The following SYNDIG1 variants were observed in gnomAD, a reference collection of about 807,000 sequenced individuals.
SYNDIG1 encodes the protein synapse differentiation-inducing gene protein 1.
A neutral mutation model predicts 19.4 loss-of-function variants in SYNDIG1; 9 were observed. That is an observed-to-expected ratio of 0.46 (90% confidence interval 0.28 to 0.81). The LOEUF (loss-of-function observed/expected upper bound fraction) is 0.81, where lower values mean the gene tolerates loss of function less well. Ranked by LOEUF, SYNDIG1 falls within the 30% of genes least tolerant of loss-of-function variation. SYNDIG1 has a pLI of 0.12. For missense variants in SYNDIG1, 311 were observed against 343.3 expected (o/e 0.91, Z 0.74); for synonymous variants, 141 against 145.9 (o/e 0.97, Z 0.24).
chr20:24,547,154 C>G (rs1402967582), intron 2 of SYNDIG1, among the ~76,000 whole-genome samples: 1 of 152,134 alleles, frequency 6.6e-6, no homozygotes, highest in Non-Finnish European at 1.5e-5. Context: ...TGGTTCAGAG[C>G]AGGGCCCCTC....
chr20:24,526,991 A>G (rs2057137467), intron 1 of SYNDIG1, among the ~76,000 whole-genome samples: 1 of 152,086 alleles, frequency 6.6e-6, no homozygotes, highest in South Asian at 2.1e-4. Context: ...CAGCAGTTTC[A>G]TGTAATGTGT....
rs192155313 is a variant in SYNDIG1 at position 24,550,175 on chromosome 20, G to T, written c.480+6598G>T. 3.2e-3 allele frequency among the ~76,000 whole-genome samples: 493 copies of T among 152,244 alleles called. 1 individual carries two copies. The highest frequency in any genetic ancestry group is 0.011 in the African/African-American group (472 of 41,540). On this transcript the variant is annotated intron_variant, in intron 2 of 3. Coordinates refer to ENST00000376862, the MANE Select transcript of SYNDIG1 (RefSeq NM_024893.3). ...GCCCTCTTCTACCCAGTATTTCCCT[G>T]ATTCCTGTCCTATCAGTGTACAACT... is the stretch of plus-strand genomic sequence containing the variant.
intron 1 of SYNDIG1, among the ~76,000 whole-genome samples, chr20:24,517,930 C>T (rs1206998893): frequency 6.6e-6 from 1 of 151,228 alleles, no homozygotes; most frequent in Admixed American, 6.6e-5. Context: ...CTCAGTCTCC[C>T]AAGTAGCTGG....
chr20:24,477,697 CT>C (rs888449543), intron 1 of SYNDIG1, among the ~76,000 whole-genome samples: 33 of 152,228 alleles, frequency 2.2e-4, no homozygotes, highest in African/African-American at 7.5e-4. Context: ...CCCACTGCCC[CT>C]GGCTCCAGTG....
chr20:24,493,958 A>C (rs2056227474), intron 1 of SYNDIG1, among the ~76,000 whole-genome samples: 1 of 152,084 alleles, frequency 6.6e-6, no homozygotes, highest in Admixed American at 6.6e-5. Context: ...AGAGGAGGAG[A>C]CCCAGCCCTG....
chr20:24,608,696 CA>C (rs1366399097), intron 3 of SYNDIG1, among the ~76,000 whole-genome samples: 1 of 152,176 alleles, frequency 6.6e-6, no homozygotes, highest in East Asian at 1.9e-4. Flanking sequence ...TGTTGGTAAG[CA>C]AAAGCTTTCA....
chr20:24,563,926 G>A (rs1568645120), intron 2 of SYNDIG1, among the ~76,000 whole-genome samples: 2 of 152,188 alleles, frequency 1.3e-5, no homozygotes, highest in South Asian at 2.1e-4. Flanking sequence ...TTAGTTGGTT[G>A]GGGGGACAGA....
chr20:24,642,736 G>A (rs144199011), intron 3 of SYNDIG1, among the ~76,000 whole-genome samples: 122 of 151,856 alleles, frequency 8.0e-4, no homozygotes, highest in African/African-American at 2.4e-3. Context: ...TTTTTGCACC[G>A]CAAGATGCTG....
chr20:24,482,886 A>G (rs1053700086), intron 1 of SYNDIG1, among the ~76,000 whole-genome samples: 4 of 152,188 alleles, frequency 2.6e-5, no homozygotes, highest in Non-Finnish European at 5.9e-5. Context: ...TTATTCAGAT[A>G]ATTCTTGAAA....
At chr20:24,536,725 G>T (rs1239766122) in intron 1 of SYNDIG1, among the ~76,000 whole-genome samples, 1 of 152,076 alleles carries the variant, frequency 6.6e-6, no homozygotes, top group South Asian at 2.1e-4. Flanking sequence ...ATGGTCTCAG[G>T]CCCCCCATGT....
intron 3 of SYNDIG1, among the ~76,000 whole-genome samples, chr20:24,598,327 A>G (rs1479896882): frequency 6.6e-6 from 1 of 152,240 alleles, no homozygotes; most frequent in Non-Finnish European, 1.5e-5. Flanking sequence ...TTTACAGATG[A>G]TAAATTTTAT....
chr20:24,651,746 G>A (rs923288944), intron 3 of SYNDIG1, among the ~76,000 whole-genome samples: 1 of 152,176 alleles, frequency 6.6e-6, no homozygotes, highest in Non-Finnish European at 1.5e-5. Flanking sequence ...TGAGCCACTC[G>A]TAACCAGTAG....
At position 24,635,909 on chromosome 20, in the gene SYNDIG1, A is replaced by G. The variant is rs749525567; in HGVS notation, c.619-29437A>G. On this transcript the variant is annotated intron_variant, in intron 3 of 3. Coordinates refer to ENST00000376862, the MANE Select transcript of SYNDIG1 (RefSeq NM_024893.3). Reference sequence around the variant, plus strand: ...CCTCTCACCAGTTTATTCTCATGAGAGTAAACACACTTTCTGTATCTCAAT... The same window carrying G: ...CCTCTCACCAGTTTATTCTCATGAGGGTAAACACACTTTCTGTATCTCAAT... Among the ~76,000 whole-genome samples the G allele has an allele frequency of 7.2e-5, 11 of 152,308 alleles. No individual in the cohort carries two copies. The East Asian group carries it at 9.6e-4, about 13-fold the overall frequency.
intron 3 of SYNDIG1, among the ~76,000 whole-genome samples, chr20:24,616,359 G>T (rs1330543514): frequency 1.3e-5 from 2 of 152,198 alleles, no homozygotes; most frequent in Admixed American, 6.5e-5. Flanking sequence ...CCAGCTCAAG[G>T]CCTTTCACCA....
At chr20:24,586,334 C>T (rs1272345047) in intron 3 of SYNDIG1, among the ~76,000 whole-genome samples, 1 of 152,198 alleles carries the variant, frequency 6.6e-6, no homozygotes, top group Non-Finnish European at 1.5e-5. Context: ...CTTCGTCCCA[C>T]AAATGCCACA....
Position 24,543,151 on chromosome 20 carries a change from T to C in SYNDIG1, c.54T>C (p.Asp18=), listed in dbSNP as rs773251571. ...KSMLVHSKIS[D]AGKRNGLINT... ...TGCTGGTGCACAGTAAAATCAGTGA[T>C]GCTGGCAAGAGGAATGGTTTAATTA... Residue 18 remains aspartate (D), a synonymous_variant, in exon 2 of 4, where the codon GAT becomes GAC. Coordinates refer to ENST00000376862, the MANE Select transcript of SYNDIG1 (RefSeq NM_024893.3). 6.2e-7 allele frequency: 1 copy of C among 1,614,130 alleles called. No homozygotes were observed. Among genetic ancestry groups the C allele is most frequent in the Non-Finnish European group, 8.5e-7 (1 of 1,180,024 alleles).
intron 1 of SYNDIG1, among the ~76,000 whole-genome samples, chr20:24,484,400 T>G (rs766157455): frequency 2.0e-5 from 3 of 152,120 alleles, no homozygotes; most frequent in Admixed American, 1.3e-4. Flanking sequence ...GGTATTAAAC[T>G]TCGTAAAAGG....
intron 3 of SYNDIG1, among the ~76,000 whole-genome samples, chr20:24,660,670 C>G (rs1488914711): frequency 6.6e-6 from 1 of 152,254 alleles, no homozygotes; most frequent in East Asian, 1.9e-4. Context: ...GCTTTCTCAT[C>G]TGGGCACTTG....
chr20:24,638,626 G>A (rs374445992), intron 3 of SYNDIG1, among the ~76,000 whole-genome samples: 7 of 152,088 alleles, frequency 4.6e-5, no homozygotes, highest in Admixed American at 6.5e-5. Context: ...ACCTCCCAAC[G>A]GGCTGGGATT....
Sources: allele counts gnomAD v4.1 joint callset (sites outside exome capture counted in the v4.1 genomes callset), GRCh38; gene constraint gnomAD v4.1.1; transcripts MANE v1.5; gene names NCBI Gene and HGNC (gene_info 2026-07-23, HGNC 2026-07-21).